The following RASGRF2 variants were observed in gnomAD, a reference collection of about 807,000 sequenced individuals.
RASGRF2 encodes the protein Ras protein specific guanine nucleotide releasing factor 2.
Under a neutral mutation model 151.0 loss-of-function variants are expected in RASGRF2, and 76 were observed. The ratio of observed to expected loss-of-function variants is 0.50; its 90% CI spans 0.42 to 0.61. The LOEUF (loss-of-function observed/expected upper bound fraction) is 0.61. Ranked by LOEUF, RASGRF2 falls within the 20% of genes least tolerant of loss-of-function variation. RASGRF2 has a pLI of 0.00. For missense variants in RASGRF2, 1,148 were observed against 1,564.6 expected, an observed-to-expected ratio of 0.73 and a Z score of 4.49; for synonymous variants, 504 against 566.5, an observed-to-expected ratio of 0.89 and a Z score of 1.57.
intron 12 of RASGRF2, among the ~76,000 whole-genome samples, chr5:81,104,619 A>G (rs1752794337): frequency 6.6e-6 from 1 of 152,184 alleles, no homozygotes; most frequent in African/African-American, 2.4e-5. Flanking sequence ...TTAGGTATGA[A>G]AAGCCAGATA....
At chr5:81,225,628 G>A (rs549144843) in intron 26 of RASGRF2, 50 bp from the exon 27 acceptor site, 35 of 1,598,244 alleles carry the variant, frequency 2.2e-5, no homozygotes, top group South Asian at 8.0e-5. Context: ...GAAAATGTAC[G>A]CACTGGTGTC....
chr5:81,135,422 C>A (rs1753730519), intron 17 of RASGRF2, among the ~76,000 whole-genome samples: 1 of 152,190 alleles, frequency 6.6e-6, no homozygotes, highest in African/African-American at 2.4e-5. Context: ...TGTTAGCAGT[C>A]ACTCCCTATT....
chr5:80,982,922 T>C (rs1176807207), intron 1 of RASGRF2, among the ~76,000 whole-genome samples: 4 of 152,124 alleles, frequency 2.6e-5, no homozygotes, highest in Admixed American at 6.6e-5. Context: ...CTATTATTAA[T>C]CAAGTTTACT....
At chr5:80,981,336 G>A (rs545104315) in intron 1 of RASGRF2, among the ~76,000 whole-genome samples, 5 of 152,002 alleles carry the variant, frequency 3.3e-5, no homozygotes, top group Admixed American at 1.3e-4. Flanking sequence ...TTTAAAAATT[G>A]TGGTACCTGT....
chr5:81,008,225 A>G (rs969948136), intron 1 of RASGRF2, among the ~76,000 whole-genome samples: 4 of 132,418 alleles, frequency 3.0e-5, no homozygotes, highest in African/African-American at 1.2e-4. Flanking sequence ...ATCTCGGCTC[A>G]CTGCAACCTC....
chr5:81,041,106 A>G (rs748661430), intron 1 of RASGRF2, among the ~76,000 whole-genome samples: 2 of 152,146 alleles, frequency 1.3e-5, no homozygotes, highest in African/African-American at 2.4e-5. Context: ...GTTCGAGACC[A>G]GCCTGACCAA....
Position 81,208,534 on chromosome 5 carries a change from C to CTTTTTTTTTT in RASGRF2, c.3156+122_3156+131dup, listed in dbSNP as rs71000806. On this transcript the variant is annotated intron_variant, in intron 22 of 26. Transcript: ENST00000265080. ...TAAAACAAAGCAACTCTGTCACCCA[C>CTTTTTTTTTT]TTTTTTTTTTTTTTTTTTTTTTTTT... is the stretch of plus-strand genomic sequence containing the variant. The CTTTTTTTTTT allele has an allele frequency of 2.3e-4, 57 of 251,662 alleles. 3 individuals carry two copies. The highest frequency in any genetic ancestry group is 1.5e-3 in the African/African-American group (34 of 23,448). 15.6% of individuals were successfully genotyped at this position (251,662 alleles called of 1,614,324 possible).
At chr5:81,070,422 G>T (rs1292744633) in intron 3 of RASGRF2, 70 bp from the exon 4 acceptor site, 2 of 1,302,678 alleles carry the variant, frequency 1.5e-6, no homozygotes, top group Non-Finnish European at 2.2e-6. Flanking sequence ...TTTGTAGGCA[G>T]AGCTTCCTGT....
In RASGRF2 at chr5:81,201,345, A is replaced by G; in HGVS notation, c.2809A>G (p.Asn937Asp). 1 of 1,612,130 alleles carries G rather than the reference A, an allele frequency of 6.2e-7. No homozygotes were observed. The highest frequency in any genetic ancestry group is 8.5e-7 in the Non-Finnish European group (1 of 1,179,486). Residue 937 changes from asparagine to aspartate, a missense_variant, in exon 19 of 27, where the codon AAT becomes GAT. Transcript: ENST00000265080. Reference sequence around the variant, plus strand: ...TATTTTACAGGATTTCGAACTCAACAATGAACTAAAGATGAATGTCCTAAA... The same window carrying G: ...TATTTTACAGGATTTCGAACTCAACGATGAACTAAAGATGAATGTCCTAAA... Reference protein sequence around the residue: ...SKHAQDFELNNELKMNVLNLL... With the variant: ...SKHAQDFELNDELKMNVLNLL...
In RASGRF2 at chr5:81,113,611, C is replaced by T. The variant is rs758564574; in HGVS notation, c.2161C>T (p.Leu721=). ...TTTGGTGGATGGCAAATCCCCACGT[C>T]TGTGTCGCAAATTCTCTTCCCCGCC... The part of the protein sequence containing the change: ...EHLVDGKSPR[L]CRKFSSPPPL... The change falls in exon 15 of 27, where the codon CTG becomes TTG. Residue 721 remains leucine, a synonymous_variant. Coordinates refer to ENST00000265080, the MANE Select transcript of RASGRF2 (RefSeq NM_006909.3). 1.9e-6 allele frequency: 3 copies of T among 1,609,204 alleles called. No individual in the cohort carries two copies. The highest frequency in any genetic ancestry group is 2.6e-6 in the Non-Finnish European group (3 of 1,175,482).
chr5:80,992,183 T>TACACACACACACACACAC (rs70994409), intron 1 of RASGRF2, among the ~76,000 whole-genome samples: 1 of 140,346 alleles, frequency 7.1e-6, no homozygotes, highest in Admixed American at 7.1e-5. Flanking sequence ...CACACACAGA[T>TACACACACACACACACAC]ACACACACAC....
chr5:81,005,588 GA>G (rs930893991), intron 1 of RASGRF2, among the ~76,000 whole-genome samples: 6 of 152,100 alleles, frequency 3.9e-5, no homozygotes, highest in Non-Finnish European at 8.8e-5. Context: ...TTTTCATGGA[GA>G]AAAAAAATCC....
chr5:81,040,369 A>C (rs1347902614), intron 1 of RASGRF2, among the ~76,000 whole-genome samples: 1 of 152,230 alleles, frequency 6.6e-6, no homozygotes, highest in East Asian at 1.9e-4. Flanking sequence ...TTGGGAAATA[A>C]GCAGAAGAGG....
chr5:80,989,056 C>A (rs546408158), intron 1 of RASGRF2, among the ~76,000 whole-genome samples: 15 of 152,086 alleles, frequency 9.9e-5, no homozygotes, highest in African/African-American at 2.9e-4. Flanking sequence ...TGGCTCACTG[C>A]AACCTCCACC....
chr5:81,062,850 C>T (rs989709594), intron 2 of RASGRF2, among the ~76,000 whole-genome samples: 5 of 152,168 alleles, frequency 3.3e-5, no homozygotes, highest in Admixed American at 6.5e-5. Flanking sequence ...AAAACCTCCT[C>T]ATAATGTTTT....
rs530053087 is a variant in RASGRF2 at position 81,003,087 on chromosome 5, C to T, written c.289-39790C>T. ...TTTTTTTGAGAGAGAGAGAAAGTCT[C>T]GCTCTGTTGCCTAGGCTAGAGTGCA... On this transcript the variant is annotated intron_variant, in intron 1 of 26. Transcript: ENST00000265080. 4.6e-5 allele frequency among the ~76,000 whole-genome samples: 7 copies of T among 152,184 alleles called. No homozygotes were observed. The South Asian group carries it at 8.3e-4, about 18-fold the overall frequency.
intron 1 of RASGRF2, among the ~76,000 whole-genome samples, chr5:80,986,690 G>C (rs890707450): frequency 1.3e-5 from 2 of 152,298 alleles, no homozygotes; most frequent in Non-Finnish European, 2.9e-5. Flanking sequence ...TCTACCATTT[G>C]TATCTGTTAA....
chr5:81,025,987 C>T (rs1750008731), intron 1 of RASGRF2, among the ~76,000 whole-genome samples: 1 of 149,284 alleles, frequency 6.7e-6, no homozygotes, highest in East Asian at 2.0e-4. Context: ...TCTTCCCTCC[C>T]TCCCTCCCTT....
intron 1 of RASGRF2, among the ~76,000 whole-genome samples, chr5:81,011,651 G>A (rs969434843): frequency 5.9e-5 from 9 of 152,084 alleles, no homozygotes; most frequent in African/African-American, 2.2e-4. Context: ...TGAGGCAGGA[G>A]AATTGCTTGA....
Sources: gnomAD v4.1 joint callset for allele counts (sites outside exome capture counted in the v4.1 genomes callset) on GRCh38, gnomAD v4.1.1 for gene constraint, MANE v1.5 for transcripts, NCBI Gene and HGNC (gene_info 2026-07-23, HGNC 2026-07-21) for gene names.